LRFN5: variants seen among roughly 807,000 people sequenced by gnomAD.
LRFN5 encodes leucine rich repeat and fibronectin type III domain containing 5.
LRFN5 carries 24 observed loss-of-function variants against 45.6 expected under a neutral mutation model. That is an observed-to-expected ratio of 0.53 (90% CI 0.38 to 0.74). The LOEUF (loss-of-function observed/expected upper bound fraction) is 0.74, where lower values mean the gene tolerates loss of function less well. Ranked by LOEUF, LRFN5 falls within the 30% of genes least tolerant of loss-of-function variation. The pLI, the probability that LRFN5 is intolerant of heterozygous loss-of-function variation, is 0.00. For synonymous variants in LRFN5, 340 were observed against 313.8 expected, an observed-to-expected ratio of 1.08 and a Z score of -0.88; for missense variants, 776 against 861.5, an observed-to-expected ratio of 0.90 and a Z score of 1.24.
At chr14:41,883,042 T>C (rs931034771) in intron 2 of LRFN5, among the ~76,000 whole-genome samples, 4 of 151,724 alleles carry the variant, frequency 2.6e-5, no homozygotes, top group African/African-American at 9.7e-5. Flanking sequence ...AGAGACGGGG[T>C]TTCACCGTAT....
At chr14:41,786,507 G>A (rs1886725544) in intron 2 of LRFN5, among the ~76,000 whole-genome samples, 1 of 138,270 alleles carries the variant, frequency 7.2e-6, no homozygotes, top group African/African-American at 2.7e-5. Context: ...TAGTGTATGT[G>A]TTTTTCTAGC....
chr14:41,795,290 A>G (rs1887079345), intron 2 of LRFN5, among the ~76,000 whole-genome samples: 1 of 152,086 alleles, frequency 6.6e-6, no homozygotes, highest in Non-Finnish European at 1.5e-5. Context: ...GGTGCTGGAG[A>G]GGATGTGGAG....
chr14:41,874,515 C>T (rs941872016), intron 2 of LRFN5, among the ~76,000 whole-genome samples: 3 of 152,140 alleles, frequency 2.0e-5, no homozygotes, highest in Non-Finnish European at 4.4e-5. Context: ...AGCCACATGC[C>T]TACCCACATT....
chr14:41,706,477 T>C (rs1383417658), intron 1 of LRFN5, among the ~76,000 whole-genome samples: 1 of 152,182 alleles, frequency 6.6e-6, no homozygotes, highest in Admixed American at 6.5e-5. Context: ...TTCAATGGAA[T>C]AGATTCCCAG....
At chr14:41,704,430 C>CTGTGTGTGTGTGTGTGTGTG (rs1265063122) in intron 1 of LRFN5, among the ~76,000 whole-genome samples, 2 of 40,140 alleles carry the variant, frequency 5.0e-5, no homozygotes, top group African/African-American at 4.7e-4. Flanking sequence ...CTCTCTCTCT[C>CTGTGTGTGTGTGTGTGTGTG]TCTCTCTCTC....
chr14:41,681,589 C>T (rs1018200846), intron 1 of LRFN5, among the ~76,000 whole-genome samples: 3 of 151,728 alleles, frequency 2.0e-5, no homozygotes, highest in Non-Finnish European at 2.9e-5. Flanking sequence ...CCCAGATGAA[C>T]GAAAGCCAAG....
chr14:41,763,726 C>G (rs1885762764), intron 1 of LRFN5, among the ~76,000 whole-genome samples: 2 of 152,144 alleles, frequency 1.3e-5, no homozygotes, highest in Non-Finnish European at 1.5e-5. Context: ...TCCCTTTGCT[C>G]TTACTTCATC....
chr14:41,869,680 G>A (rs1036507533), intron 2 of LRFN5, among the ~76,000 whole-genome samples: 29 of 151,968 alleles, frequency 1.9e-4, no homozygotes, highest in African/African-American at 4.8e-4. Context: ...CAATCATGTT[G>A]GAAGGCTAAA....
intron 2 of LRFN5, among the ~76,000 whole-genome samples, chr14:41,867,410 T>C (rs1376892701): frequency 6.6e-6 from 1 of 152,052 alleles, no homozygotes; most frequent in Non-Finnish European, 1.5e-5. Context: ...AAAATCCTAA[T>C]GCCCTGGTTT....
intron 1 of LRFN5, among the ~76,000 whole-genome samples, chr14:41,693,877 G>C (rs776009932): frequency 3.8e-4 from 57 of 151,934 alleles, no homozygotes; most frequent in Admixed American, 1.5e-3. Flanking sequence ...TCCTCCATTG[G>C]TTTAATGTTA....
chr14:41,638,941 A>G (rs1050709831), intron 1 of LRFN5, among the ~76,000 whole-genome samples: 15 of 152,076 alleles, frequency 9.9e-5, no homozygotes, highest in African/African-American at 3.6e-4. Context: ...TAACTTTGGC[A>G]TCTGCTAGAA....
chr14:41,848,124 A>G (rs1889131725), intron 2 of LRFN5, among the ~76,000 whole-genome samples: 3 of 152,148 alleles, frequency 2.0e-5, no homozygotes, highest in Admixed American at 6.6e-5. Context: ...GTTTAATCAG[A>G]GTATTTTAAA....
intron 1 of LRFN5, among the ~76,000 whole-genome samples, chr14:41,737,724 T>C (rs1884503401): frequency 6.6e-6 from 1 of 151,914 alleles, no homozygotes; most frequent in African/African-American, 2.4e-5. Flanking sequence ...AACAGCCAAA[T>C]CATGAGTGAA....
chr14:41,609,760 C>A (rs1364712830), intron 1 of LRFN5, among the ~76,000 whole-genome samples: 1 of 152,202 alleles, frequency 6.6e-6, no homozygotes, highest in African/African-American at 2.4e-5. Context: ...TTGGCCCAGC[C>A]AAGCTCAGGG....
intron 2 of LRFN5, among the ~76,000 whole-genome samples, chr14:41,807,290 C>G (rs1350374699): frequency 6.6e-6 from 1 of 151,950 alleles, no homozygotes. Flanking sequence ...TTTAGCTCAA[C>G]ATAATATGAT....
intron 1 of LRFN5, among the ~76,000 whole-genome samples, chr14:41,710,068 G>C (rs1257920057): frequency 6.6e-6 from 1 of 151,976 alleles, no homozygotes; most frequent in African/African-American, 2.4e-5. Flanking sequence ...TATCATGATA[G>C]AATATATTGT....
intron 1 of LRFN5, among the ~76,000 whole-genome samples, chr14:41,613,632 C>T (rs1462059146): frequency 6.6e-6 from 1 of 151,488 alleles, no homozygotes; most frequent in African/African-American, 2.4e-5. Flanking sequence ...TTAGATTTTA[C>T]AAGAATAAAA....
At chr14:41,815,478 C>A (rs1004900531) in intron 2 of LRFN5, among the ~76,000 whole-genome samples, 1 of 152,056 alleles carries the variant, frequency 6.6e-6, no homozygotes, top group Non-Finnish European at 1.5e-5. Flanking sequence ...TCACTGGAAT[C>A]TATAATCACA....
At chr14:41,840,770 T>A (rs1888831875) in intron 2 of LRFN5, among the ~76,000 whole-genome samples, 1 of 152,022 alleles carries the variant, frequency 6.6e-6, no homozygotes, top group Admixed American at 6.6e-5. Context: ...CTAAACATTG[T>A]TCTTTAATTT....
Sources: allele counts gnomAD v4.1 joint callset (sites outside exome capture counted in the v4.1 genomes callset), GRCh38; gene constraint gnomAD v4.1.1; transcripts MANE v1.5; gene names NCBI Gene and HGNC (gene_info 2026-07-23, HGNC 2026-07-21).